Variants in BPTF observed in about 807,000 individuals in gnomAD.
The protein encoded by BPTF is bromodomain PHD finger transcription factor, also known as nucleosome-remodeling factor subunit BPTF.
A neutral mutation model predicts 292.5 loss-of-function variants in BPTF; 18 were observed. The ratio of observed to expected loss-of-function variants is 0.06; its 90% CI spans 0.04 to 0.09. The LOEUF is 0.09. Among genes scored for constraint, BPTF ranks in the 10% least tolerant of loss-of-function variants. The probability of loss-of-function intolerance (pLI) is 1.00; values close to 1 mark genes in which losing one functional copy is unlikely to be tolerated. For missense variants in BPTF, 2,726 were observed against 3,498.7 expected (o/e 0.78, Z 5.57); for synonymous variants, 1,225 against 1,251.9 (o/e 0.98, Z 0.45).
chr17:67,835,737 C>G (rs2057078708), intron 1 of BPTF, among the ~76,000 whole-genome samples: 1 of 150,812 alleles, frequency 6.6e-6, no homozygotes, highest in African/African-American at 2.4e-5. Context: ...GCGATTTCGG[C>G]TCACTGTGAG....
chr17:67,906,640 C>T (rs572241718), intron 9 of BPTF, among the ~76,000 whole-genome samples: 5 of 152,286 alleles, frequency 3.3e-5, no homozygotes, highest in Admixed American at 6.5e-5. Flanking sequence ...GACAGGATTA[C>T]GGTTTCTTTG....
At chr17:67,857,131 T>C (rs1220285405) in intron 2 of BPTF, among the ~76,000 whole-genome samples, 4 of 151,350 alleles carry the variant, frequency 2.6e-5, no homozygotes, top group African/African-American at 9.7e-5. Context: ...TTTATCCTTA[T>C]GAGTTCGTCT....
rs577728371 is a variant in BPTF at position 67,969,379 on chromosome 17, G to C, written c.8539+2723G>C. ...AGGCACAAAAATCAGTTGAACCTGAGAGGCAGAGGTTGCTGTGAGACAAGA... is the reference window on the plus strand; with the variant it reads ...AGGCACAAAAATCAGTTGAACCTGACAGGCAGAGGTTGCTGTGAGACAAGA... On this transcript the variant is annotated intron_variant, in intron 26 of 27. Transcript: ENST00000306378. Among the ~76,000 whole-genome samples, 106 of 143,310 alleles carry C rather than the reference G, an allele frequency of 7.4e-4. 1 individual carries two copies. The highest frequency in any genetic ancestry group is 2.9e-3 in the East Asian group (14 of 4,804). The allele number at this position is 143,310 out of a possible 152,430, so 94.0% of individuals were successfully genotyped here.
intron 1 of BPTF, among the ~76,000 whole-genome samples, chr17:67,851,772 G>A (rs2058423303): frequency 6.6e-6 from 1 of 152,100 alleles, no homozygotes; most frequent in Non-Finnish European, 1.5e-5. Flanking sequence ...TCCCAGTGGT[G>A]GTATACTGGT....
chr17:67,964,793 G>T (rs1228812912), intron 25 of BPTF, among the ~76,000 whole-genome samples: 19 of 150,722 alleles, frequency 1.3e-4, no homozygotes, highest in African/African-American at 3.9e-4. Context: ...AAGGTCAGGA[G>T]ATCAGACCAT....
intron 15 of BPTF, among the ~76,000 whole-genome samples, chr17:67,927,365 A>G (rs1267452359): frequency 6.6e-6 from 1 of 152,242 alleles, no homozygotes; most frequent in East Asian, 1.9e-4. Flanking sequence ...TTAGCAATCT[A>G]TAATAAAAGA....
At chr17:67,970,603 GAA>G (rs1324509946) in intron 26 of BPTF, among the ~76,000 whole-genome samples, 2 of 152,074 alleles carry the variant, frequency 1.3e-5, no homozygotes, top group Admixed American at 6.6e-5. Flanking sequence ...GAAATGCATA[GAA>G]AATGTCTGGA....
Position 67,939,049 on chromosome 17 carries a change from A to G in BPTF, c.6260-1390A>G, listed in dbSNP as rs1198603803. Among the ~76,000 whole-genome samples the G allele has an allele frequency of 3.3e-5, 5 of 152,184 alleles. No individual in the cohort carries two copies. In the East Asian group the frequency reaches 9.6e-4, roughly 29 times the overall value. On this transcript the variant is annotated intron_variant, in intron 18 of 27. Coordinates refer to ENST00000306378, the MANE Select transcript of BPTF (RefSeq NM_182641.4). The stretch of plus-strand genomic sequence containing the variant: ...AGTGAAATAGGCACACAGAGCTGGC[A>G]GTAGTGTGAATTGGAATAACCTTTC...
chr17:67,910,520 C>T (rs1449677497), intron 10 of BPTF, among the ~76,000 whole-genome samples: 1 of 152,066 alleles, frequency 6.6e-6, no homozygotes, highest in African/African-American at 2.4e-5. Context: ...ATATTTTTGG[C>T]TGGGCGTGGT....
intron 1 of BPTF, among the ~76,000 whole-genome samples, chr17:67,826,582 C>T (rs995704939): frequency 1.2e-4 from 11 of 95,484 alleles, no homozygotes; most frequent in East Asian, 4.0e-3. Context: ...GCTCTCTCTC[C>T]CCCCCCCAAC....
At chr17:67,897,694 C>T (rs1234201667) in intron 7 of BPTF, among the ~76,000 whole-genome samples, 1 of 152,168 alleles carries the variant, frequency 6.6e-6, no homozygotes, top group Non-Finnish European at 1.5e-5. Flanking sequence ...TTCTGGTTAT[C>T]ACTGCACCTG....
chr17:67,836,630 C>A (rs147412359), intron 1 of BPTF, among the ~76,000 whole-genome samples: 1 of 152,228 alleles, frequency 6.6e-6, no homozygotes, highest in East Asian at 1.9e-4. Flanking sequence ...TACATGAGGA[C>A]TGATAAAACT....
At chr17:67,869,893 T>G (rs773969343) in intron 3 of BPTF, among the ~76,000 whole-genome samples, 3 of 142,792 alleles carry the variant, frequency 2.1e-5, no homozygotes, top group Non-Finnish European at 4.5e-5. Context: ...TCCCAGCTAC[T>G]CGGCAGCCTG....
At position 67,953,961 on chromosome 17, in the gene BPTF, C is replaced by CTTTTTT. The variant is rs869063412; in HGVS notation, c.7927-5544_7927-5539dup. Among the ~76,000 whole-genome samples the CTTTTTT allele has an allele frequency of 1.2e-4, 8 of 65,640 alleles. 1 individual carries two copies. The highest frequency in any genetic ancestry group is 5.8e-4 in the African/African-American group (8 of 13,832). 43.1% of individuals were successfully genotyped at this position (65,640 alleles called of 152,430 possible). A position where few individuals can be genotyped will look rare whatever the true frequency, so the allele number is the denominator to read the frequency against. On this transcript the variant is annotated intron_variant, in intron 23 of 27. Coordinates refer to ENST00000306378, the MANE Select transcript of BPTF (RefSeq NM_182641.4). ...ATCTTTTTTCTTTTTCTTTTCTTTT[C>CTTTTTT]TTTTTTTTTTTTTTTTTTTTTTTTT... is the stretch of plus-strand genomic sequence containing the variant.
intron 4 of BPTF, among the ~76,000 whole-genome samples, chr17:67,887,286 A>G (rs1420397211): frequency 6.6e-6 from 1 of 151,892 alleles, no homozygotes; most frequent in Non-Finnish European, 1.5e-5. Flanking sequence ...ACTTTTTCCT[A>G]ATGAGTTTTG....
At chr17:67,971,024 G>A (rs782038719) in intron 26 of BPTF, among the ~76,000 whole-genome samples, 3 of 152,120 alleles carry the variant, frequency 2.0e-5, no homozygotes, top group Non-Finnish European at 4.4e-5. Flanking sequence ...CTGCATCCTC[G>A]TCCTCCCAGG....
intron 1 of BPTF, among the ~76,000 whole-genome samples, chr17:67,852,942 C>T (rs1443471547): frequency 2.0e-5 from 3 of 152,182 alleles, no homozygotes; most frequent in African/African-American, 7.2e-5. Context: ...TCGAGACCAG[C>T]CTAGCCAATA....
intron 8 of BPTF, among the ~76,000 whole-genome samples, chr17:67,904,425 C>T (rs1371421740): frequency 6.6e-6 from 1 of 152,192 alleles, no homozygotes; most frequent in Non-Finnish European, 1.5e-5. Context: ...ATATTGGAGG[C>T]TTACAAGGCC....
chr17:67,978,271 C>T (rs1555695049), intron 27 of BPTF, among the ~76,000 whole-genome samples: 1 of 149,978 alleles, frequency 6.7e-6, no homozygotes, highest in African/African-American at 2.4e-5. Context: ...GGGCTGTGAA[C>T]CACTGTGCTG....
Sources: allele counts gnomAD v4.1 joint callset (sites outside exome capture counted in the v4.1 genomes callset), GRCh38; gene constraint gnomAD v4.1.1; transcripts MANE v1.5; gene names NCBI Gene and HGNC (gene_info 2026-07-23, HGNC 2026-07-21).